Variants in MMP2 observed in about 807,000 individuals in gnomAD.
MMP2 encodes 72 kDa type IV collagenase.
In MMP2, 39 loss-of-function variants were observed where a neutral mutation model predicts 74.8. The ratio of observed to expected loss-of-function variants is 0.52; its 90% CI spans 0.40 to 0.68. The LOEUF (loss-of-function observed/expected upper bound fraction) is 0.68. Among genes scored for constraint, MMP2 ranks in the 30% least tolerant of loss-of-function variants. The pLI is 0.00. For synonymous variants in MMP2, 367 were observed against 339.8 expected, an observed-to-expected ratio of 1.08 and a Z score of -0.88; for missense variants, 803 against 878.3, an observed-to-expected ratio of 0.91 and a Z score of 1.08.
intron 9 of MMP2, 99 bp from the exon 10 acceptor site, chr16:55,496,827 C>A (rs1192477931): frequency 6.6e-7 from 1 of 1,519,510 alleles, no homozygotes; most frequent in Non-Finnish European, 9.0e-7. Context: ...ATCATGGAAT[C>A]ATCTCTGGGA....
chr16:55,500,918 A>G (rs568357197), intron 11 of MMP2, among the ~76,000 whole-genome samples: 1 of 152,222 alleles, frequency 6.6e-6, no homozygotes, highest in Non-Finnish European at 1.5e-5. Context: ...AGAAGCTTTC[A>G]CTAAGCCACA....
intron 5 of MMP2, 81 bp downstream of exon 5, chr16:55,485,858 C>T: frequency 1.4e-6 from 2 of 1,468,864 alleles, no homozygotes; most frequent in Non-Finnish European, 9.4e-7. Flanking sequence ...CTTCCCTCCA[C>T]ACTCTCCAGG....
intron 2 of MMP2, 141 bp downstream of exon 2, chr16:55,483,276 T>C: frequency 1.5e-6 from 1 of 662,920 alleles, no homozygotes; most frequent in East Asian, 2.7e-5. Flanking sequence ...CAATACACAG[T>C]TCTTAGAAAA....
chr16:55,497,172 G>C (rs1022355392), intron 10 of MMP2, 110 bp downstream of exon 10: 101 of 1,409,466 alleles, frequency 7.2e-5, no homozygotes, highest in Non-Finnish European at 9.5e-5. Flanking sequence ...CTATGCACCC[G>C]TGGGTGCTCC....
chr16:55,496,965 G>A lies in MMP2; in HGVS notation c.1512G>A (p.Met504Ile). The change falls in exon 10 of 13, where the codon ATG becomes ATA. Residue 504 changes from methionine to isoleucine, a missense_variant. Physicochemically the swap from Met to Ile is conservative, Grantham distance 10. Transcript: ENST00000219070. ...WRTVTPRDKP[M>I]GPLLVATFWP... ...CTGTGACGCCACGTGACAAGCCCAT[G>A]GGGCCCCTGCTGGTGGCCACATTCT... The A allele has an allele frequency of 6.2e-7, 1 of 1,614,142 alleles. No homozygotes were observed. Among genetic ancestry groups the A allele is most frequent in the East Asian group, 2.2e-5 (1 of 44,876 alleles).
Position 55,505,720 on chromosome 16 carries a change from C to T in MMP2, c.*278C>T. Reference sequence around the variant, plus strand: ...AAGAGATACTTTGATATTTTCAACGCAGCCCTGCTTTGGGCTGCCCTGGTG... The same window carrying T: ...AAGAGATACTTTGATATTTTCAACGTAGCCCTGCTTTGGGCTGCCCTGGTG... On this transcript the variant is annotated 3_prime_UTR_variant, in exon 13 of 13. Coordinates refer to ENST00000219070, the MANE Select transcript of MMP2 (RefSeq NM_004530.6). 2.0e-6 allele frequency: 1 copy of T among 504,746 alleles called. No homozygotes were observed. Among genetic ancestry groups the T allele is most frequent in the Admixed American group, 3.2e-5 (1 of 30,878 alleles). The allele number at this position is 504,746 out of a possible 1,614,324, so 31.3% of individuals were successfully genotyped here.
chr16:55,491,944 C>T lies in MMP2; in HGVS notation c.1324C>T (p.Gln442Ter). ...RLSQDDIKGI[Q>*]ELYGASPDID... is the part of the protein sequence containing the mutation. The stretch of plus-strand genomic sequence containing the variant: ...GTCCCAGGATGACATCAAGGGCATT[C>T]AGGAGCTCTATGGTAAACCTCCGGG... The change falls in exon 8 of 13, where the codon CAG becomes TAG. Residue 442 changes from glutamine (Q) to a stop codon, truncating the protein, a stop_gained. Transcript: ENST00000219070. LOFTEE classifies it high-confidence loss of function. The T allele has an allele frequency of 1.2e-6, 2 of 1,611,574 alleles. No homozygotes were observed. Among genetic ancestry groups the T allele is most frequent in the Non-Finnish European group, 1.7e-6 (2 of 1,179,288 alleles).
In MMP2 at chr16:55,479,289, G is replaced by A; in HGVS notation, c.-191G>A. On this transcript the variant is annotated 5_prime_UTR_variant, in exon 1 of 13. Coordinates refer to ENST00000219070, the MANE Select transcript of MMP2 (RefSeq NM_004530.6). ...GATTGCCAGGACCTGCGGCGGCGGC[G>A]GCGGCGGCGGGGGCTGGGGCGCGGG... 1 of 486,342 alleles carries A rather than the reference G, an allele frequency of 2.1e-6. No homozygotes were observed. Among genetic ancestry groups the A allele is most frequent in the Non-Finnish European group, 3.1e-6 (1 of 321,530 alleles). 30.1% of individuals were successfully genotyped at this position (486,342 alleles called of 1,614,324 possible). A position where few individuals can be genotyped will look rare whatever the true frequency, so the allele number is the denominator to read the frequency against.
chr16:55,505,663 T>C lies in MMP2; in HGVS notation c.*221T>C. The C allele has an allele frequency of 1.7e-6, 1 of 593,180 alleles. No homozygotes were observed. The highest frequency in any genetic ancestry group is 2.0e-5 in the South Asian group (1 of 51,192). The allele number at this position is 593,180 out of a possible 1,614,324, so 36.7% of individuals were successfully genotyped here. A position where few individuals can be genotyped will look rare whatever the true frequency, so the allele number is the denominator to read the frequency against. On this transcript the variant is annotated 3_prime_UTR_variant, in exon 13 of 13. Transcript: ENST00000219070. Reference sequence around the variant, plus strand: ...ACTCCTCCCAGGCGCCCCTTCCCCCTCCAATCCCACCAACCCTCAGAGCCA... The same window carrying C: ...ACTCCTCCCAGGCGCCCCTTCCCCCCCCAATCCCACCAACCCTCAGAGCCA...
chr16:55,492,178 A>G (rs1596818903), intron 8 of MMP2, among the ~76,000 whole-genome samples: 1 of 152,126 alleles, frequency 6.6e-6, no homozygotes, highest in Non-Finnish European at 1.5e-5. Context: ...GCTAATATCC[A>G]TGTCACTCTT....
intron 5 of MMP2, 97 bp from the exon 6 acceptor site, chr16:55,488,446 A>G (rs551606744): frequency 2.2e-4 from 259 of 1,195,796 alleles, no homozygotes; most frequent in Non-Finnish European, 2.9e-4. Flanking sequence ...CAATGCATCA[A>G]CTTCACTGGT....
chr16:55,479,700 C>G (rs541017124), intron 1 of MMP2, 68 bp downstream of exon 1: 2 of 1,595,432 alleles, frequency 1.3e-6, no homozygotes, highest in African/African-American at 2.7e-5. Context: ...ATGGGGGTGT[C>G]TCTCCCCCTG....
At chr16:55,488,519 C>T (rs1394544766) in intron 5 of MMP2, 24 bp from the exon 6 acceptor site, 4 of 1,611,270 alleles carry the variant, frequency 2.5e-6, no homozygotes, top group Middle Eastern at 1.6e-4. Context: ...CATTCACATC[C>T]TTCCCTCTCT....
intron 1 of MMP2, 95 bp downstream of exon 1, chr16:55,479,727 C>A: frequency 6.5e-7 from 1 of 1,533,452 alleles, no homozygotes; most frequent in Non-Finnish European, 9.0e-7. Flanking sequence ...GCGGTGGGCA[C>A]ACAGCGTGGG....
At chr16:55,486,823 G>A (rs781032453) in intron 5 of MMP2, 2 of 152,130 alleles carry the variant, frequency 1.3e-5, no homozygotes, top group African/African-American at 2.4e-5. Context: ...ACTAAAGACT[G>A]TCTTTTTGTC....
chr16:55,491,854 G>C lies in MMP2; in HGVS notation c.1234G>C (p.Glu412Gln), dbSNP rs775690706. ...CGAGTTTGGCCACGCCATGGGGCTG[G>C]AGCACTCCCAAGACCCTGGGGCCCT... Reference protein sequence around the residue: ...AHEFGHAMGLEHSQDPGALMA... With the variant: ...AHEFGHAMGLQHSQDPGALMA... The change falls in exon 8 of 13, where the codon GAG becomes CAG. Residue 412 changes from glutamate to glutamine, a missense_variant. By Grantham distance (29) the Glu-to-Gln change is conservative. Around this residue, in one of 3 missense-constraint regions of MMP2, gnomAD observed 555 missense variants for 592.0 expected, o/e 0.94. Coordinates refer to ENST00000219070, the MANE Select transcript of MMP2 (RefSeq NM_004530.6). 1 of 1,614,186 alleles carries C rather than the reference G, an allele frequency of 6.2e-7. No individual in the cohort carries two copies. Among genetic ancestry groups the C allele is most frequent in the South Asian group, 1.1e-5 (1 of 91,082 alleles).
intron 5 of MMP2, chr16:55,487,468 GT>G (rs1442274763): frequency 6.6e-6 from 1 of 152,298 alleles, no homozygotes; most frequent in East Asian, 1.9e-4. Flanking sequence ...TTTTCTCTAG[GT>G]GCCATTGTTT....
chr16:55,496,015 G>C (rs1411046784), intron 9 of MMP2, among the ~76,000 whole-genome samples: 12 of 152,196 alleles, frequency 7.9e-5, no homozygotes, highest in African/African-American at 2.9e-4. Flanking sequence ...TATGGCAACT[G>C]CTGAATCAGT....
intron 11 of MMP2, among the ~76,000 whole-genome samples, chr16:55,500,447 G>T (rs953736411): frequency 1.4e-5 from 2 of 146,798 alleles, no homozygotes; most frequent in South Asian, 2.2e-4. Flanking sequence ...TGCAAAAACA[G>T]ACCTGTTCCT....
Sources: allele counts gnomAD v4.1 joint callset (sites outside exome capture counted in the v4.1 genomes callset), GRCh38; gene constraint gnomAD v4.1.1; regional missense constraint gnomAD v4.1.1; transcripts MANE v1.5; gene names NCBI Gene and HGNC (gene_info 2026-07-23, HGNC 2026-07-21).